Variants in GADD45GIP1 observed in about 807,000 individuals in gnomAD.
The protein encoded by GADD45GIP1 is large ribosomal subunit protein mL64.
In GADD45GIP1, 17 loss-of-function variants were observed where a neutral mutation model predicts 22.1. That is an observed-to-expected ratio of 0.77 (90% CI 0.53 to 1.15). GADD45GIP1 has a LOEUF of 1.15. Ranked by LOEUF, GADD45GIP1 falls within the 50% of genes most tolerant of loss-of-function variation. GADD45GIP1 has a pLI of 0.00. For missense variants in GADD45GIP1, 294 were observed against 314.0 expected, an observed-to-expected ratio of 0.94 and a Z score of 0.48; for synonymous variants, 135 against 138.4, an observed-to-expected ratio of 0.98 and a Z score of 0.17.
chr19:12,956,806 GCCCAGTT>G, intron 1 of GADD45GIP1, 50 bp downstream of exon 1: 1 of 1,515,072 alleles, frequency 6.6e-7, no homozygotes, highest in Non-Finnish European at 9.0e-7. Flanking sequence ...ACGGTTTGGG[GCCCAGTT>G]CGCCCACGGG....
Position 12,956,198 on chromosome 19 carries a change from G to A in GADD45GIP1, c.350+665C>T, listed in dbSNP as rs182778652. 1.2e-3 allele frequency among the ~76,000 whole-genome samples: 185 copies of A among 152,276 alleles called. 1 individual carries two copies. The highest frequency in any genetic ancestry group is 2.3e-3 in the Non-Finnish European group (155 of 68,022). On this transcript the variant is annotated intron_variant, in intron 1 of 1. Transcript: ENST00000316939. ...TCACTCTTTTACCTTCCTACTAGTC[G>A]GCTGTCACCATTGGTATTATCTTGC...
chr19:12,956,852 C>T lies in GADD45GIP1; in HGVS notation c.350+11G>A, dbSNP rs750392613. ...CAGAGGGCAGCCCCGCGTCTGCCTG[C>T]ACGCACGCACCTCTCCCGACGCTTC... On this transcript the variant is annotated intron_variant, in intron 1 of 1. Transcript: ENST00000316939. The T allele has an allele frequency of 2.5e-6, 4 of 1,594,512 alleles. No homozygotes were observed. Among genetic ancestry groups the T allele is most frequent in the African/African-American group, 2.7e-5 (2 of 74,200 alleles).
rs1971894798 is a variant in GADD45GIP1 at position 12,954,288 on chromosome 19, G to A, written c.589C>T (p.Arg197Trp). 1.4e-5 allele frequency: 22 copies of A among 1,614,094 alleles called. No homozygotes were observed. Among genetic ancestry groups the A allele is most frequent in the East Asian group, 2.2e-5 (1 of 44,886 alleles). The change falls in exon 2 of 2, where the codon CGG becomes TGG. Residue 197 changes from arginine (R) to tryptophan (W), a missense_variant. By Grantham distance (101) the Arg-to-Trp change is moderately radical. Transcript: ENST00000316939. The stretch of plus-strand genomic sequence containing the variant: ...GCAGCAGCTCGCGCCTCCTTCTTCC[G>A]TTTCTGTTTTTCCTCCTTGAGGCGC... ...RKRLKEEKQKRKKEARAAALA... is the reference protein window; with the variant it reads ...RKRLKEEKQKWKKEARAAALA...
chr19:12,956,841 G>C, intron 1 of GADD45GIP1, 22 bp downstream of exon 1: 1 of 1,590,244 alleles, frequency 6.3e-7, no homozygotes, highest in Non-Finnish European at 8.5e-7. Context: ...GGGCAGCCCC[G>C]CGTCTGCCTG....
chr19:12,957,173 C>G lies in GADD45GIP1; in HGVS notation c.40G>C (p.Val14Leu). 7.0e-7 allele frequency: 1 copy of G among 1,419,120 alleles called. No individual in the cohort carries two copies. The highest frequency in any genetic ancestry group is 9.1e-7 in the Non-Finnish European group (1 of 1,099,588). 87.9% of individuals were successfully genotyped at this position (1,419,120 alleles called of 1,614,324 possible). ...GAACCCGGGGCCAGGGTCGCCGCCACACCTAGTAGGCTGCGTGCCTGTCGC... is the reference window on the plus strand; with the variant it reads ...GAACCCGGGGCCAGGGTCGCCGCCAGACCTAGTAGGCTGCGTGCCTGTCGC... ...SVRQARSLLGVAATLAPGSRG... is the reference protein window; with the variant it reads ...SVRQARSLLGLAATLAPGSRG... Residue 14 changes from valine (V) to leucine (L), a missense_variant, in exon 1 of 2, where the codon GTG (valine) becomes CTG (leucine). Val to Leu is a conservative substitution (Grantham distance 32, BLOSUM62 1). Transcript: ENST00000316939.
At position 12,954,416 on chromosome 19, in the gene GADD45GIP1, G is replaced by A. The variant is rs765047480; in HGVS notation, c.461C>T (p.Ala154Val). Residue 154 changes from alanine to valine, a missense_variant, in exon 2 of 2, where the codon GCC (alanine) becomes GTC (valine). Ala to Val is a moderately conservative substitution (Grantham distance 64). Transcript: ENST00000316939. ...CTCCTGGGCCTCAGCCTGCAGTCGG[G>A]CCCTCCTCTCCTTGTCAGCCTGGGC... ...EKAQADKERR[A>V]RLQAEAQELL... is the part of the protein sequence containing the mutation. 3.1e-6 allele frequency: 5 copies of A among 1,614,180 alleles called. No individual in the cohort carries two copies. The highest frequency in any genetic ancestry group is 4.2e-6 in the Non-Finnish European group (5 of 1,180,010).
Position 12,953,124 on chromosome 19 carries a change from A to G in GADD45GIP1, c.*1084T>C. On this transcript the variant is annotated 3_prime_UTR_variant, in exon 2 of 2. Coordinates refer to ENST00000316939, the MANE Select transcript of GADD45GIP1 (RefSeq NM_052850.4). ...AAGTTTTATAAAAGAAAAAATATAT[A>G]TATATTCATGTTTATTTAAGAAATG... The G allele has an allele frequency of 1.1e-6, 1 of 949,354 alleles. No homozygotes were observed. Among genetic ancestry groups the G allele is most frequent in the South Asian group, 1.7e-5 (1 of 59,438 alleles). 58.8% of individuals were successfully genotyped at this position (949,354 alleles called of 1,614,324 possible).
Position 12,957,005 on chromosome 19 carries a change from C to A in GADD45GIP1, c.208G>T (p.Val70Leu), listed in dbSNP as rs1400700980. The change falls in exon 1 of 2, where the codon GTG (valine) becomes TTG (leucine). Residue 70 changes from valine to leucine, a missense_variant. Physicochemically the swap from Val to Leu is conservative, Grantham distance 32. Transcript: ENST00000316939. ...GACGGCCATAACGAACCGGGGACCA[C>A]CCCGGAGGCGGCGCCGTAACGCGCG... ...QFARYGAASG[V>L]VPGSLWPSPE... The A allele has an allele frequency of 6.3e-7, 1 of 1,598,350 alleles. No individual in the cohort carries two copies. The highest frequency in any genetic ancestry group is 1.3e-5 in the African/African-American group (1 of 74,882).
Position 12,954,459 on chromosome 19 carries a change from G to A in GADD45GIP1, c.418C>T (p.Arg140Trp), listed in dbSNP as rs746017634. ...GCCTGGGCCTTCTCCCAGTTCTCCC[G>A]CTGCTGCTGCTGCCAGTTCACAATC... is the stretch of plus-strand genomic sequence containing the variant. The part of the protein sequence containing the change: ...QMIVNWQQQQ[R>W]ENWEKAQADK... The change falls in exon 2 of 2, where the codon CGG (arginine) becomes TGG (tryptophan). Residue 140 changes from arginine to tryptophan, a missense_variant. Physicochemically the swap from Arg to Trp is moderately radical, Grantham distance 101. Transcript: ENST00000316939. 17 of 1,612,452 alleles carry A rather than the reference G, an allele frequency of 1.1e-5. No individual in the cohort carries two copies. In the South Asian group the frequency reaches 1.4e-4, roughly 14 times the overall value.
chr19:12,953,868 A>C lies in GADD45GIP1; in HGVS notation c.*340T>G. On this transcript the variant is annotated 3_prime_UTR_variant, in exon 2 of 2. Coordinates refer to ENST00000316939, the MANE Select transcript of GADD45GIP1 (RefSeq NM_052850.4). ...CTGCTTCTCCCCGGCCCCCACCATC[A>C]TCACCACAGTCTGTTTTGGCTATAC... is the stretch of plus-strand genomic sequence containing the variant. 2 of 222,998 alleles carry C rather than the reference A, an allele frequency of 9.0e-6. No individual in the cohort carries two copies. Among genetic ancestry groups the C allele is most frequent in the Non-Finnish European group, 1.8e-5 (2 of 112,426 alleles). The allele number at this position is 222,998 out of a possible 1,614,324, so 13.8% of individuals were successfully genotyped here.
At chr19:12,956,086 C>G (rs1971920946) in intron 1 of GADD45GIP1, among the ~76,000 whole-genome samples, 1 of 152,218 alleles carries the variant, frequency 6.6e-6, no homozygotes, top group African/African-American at 2.4e-5. Flanking sequence ...ATAGCTAAGT[C>G]TGGTTATTCA....
Position 12,953,235 on chromosome 19 carries a change from G to C in GADD45GIP1, c.*973C>G, listed in dbSNP as rs565144412. 2.2e-6 allele frequency: 1 copy of C among 447,168 alleles called. No homozygotes were observed. Among genetic ancestry groups the C allele is most frequent in the Non-Finnish European group, 3.8e-6 (1 of 260,174 alleles). The allele number at this position is 447,168 out of a possible 1,614,324, so 27.7% of individuals were successfully genotyped here. A position where few individuals can be genotyped will look rare whatever the true frequency, so the allele number is the denominator to read the frequency against. ...AGTGGCCCCTGTTCCCATCTCCCGG[G>C]CCAGACAGCTGTCCCCCCGTCCTCC... On this transcript the variant is annotated 3_prime_UTR_variant, in exon 2 of 2. Coordinates refer to ENST00000316939, the MANE Select transcript of GADD45GIP1 (RefSeq NM_052850.4).
At chr19:12,956,300 C>A (rs997204922) in intron 1 of GADD45GIP1, among the ~76,000 whole-genome samples, 11 of 152,220 alleles carry the variant, frequency 7.2e-5, no homozygotes, top group Non-Finnish European at 1.3e-4. Flanking sequence ...GGATTACAGG[C>A]ACGAGCCACC....
Position 12,953,232 on chromosome 19 carries a change from C to T in GADD45GIP1, c.*976G>A, listed in dbSNP as rs901226030. ...TAAAGTGGCCCCTGTTCCCATCTCCCGGGCCAGACAGCTGTCCCCCCGTCC... is the reference window on the plus strand; with the variant it reads ...TAAAGTGGCCCCTGTTCCCATCTCCTGGGCCAGACAGCTGTCCCCCCGTCC... On this transcript the variant is annotated 3_prime_UTR_variant, in exon 2 of 2. Transcript: ENST00000316939. The T allele has an allele frequency of 2.9e-5, 13 of 451,470 alleles. No individual in the cohort carries two copies. Among genetic ancestry groups the T allele is most frequent in the South Asian group, 1.4e-4 (3 of 21,970 alleles). 28.0% of individuals were successfully genotyped at this position (451,470 alleles called of 1,614,324 possible). A position where few individuals can be genotyped will look rare whatever the true frequency, so the allele number is the denominator to read the frequency against.
chr19:12,956,725 T>C (rs1442819070), intron 1 of GADD45GIP1, 138 bp downstream of exon 1: 1 of 687,860 alleles, frequency 1.5e-6, no homozygotes. Context: ...TGAGTTTGTT[T>C]TGCGGCCAGG....
chr19:12,953,132 ATGTT>A lies in GADD45GIP1; in HGVS notation c.*1072_*1075del. Reference sequence around the variant, plus strand: ...TAAAAGAAAAAATATATATATATTCATGTTTATTTAAGAAATGGAAAAAAAAATC... The same window carrying A: ...TAAAAGAAAAAATATATATATATTCATATTTAAGAAATGGAAAAAAAAATC... On this transcript the variant is annotated 3_prime_UTR_variant, in exon 2 of 2. Transcript: ENST00000316939. The A allele has an allele frequency of 1.2e-6, 1 of 862,488 alleles. No individual in the cohort carries two copies. The highest frequency in any genetic ancestry group is 1.7e-6 in the Non-Finnish European group (1 of 579,982). The allele number at this position is 862,488 out of a possible 1,614,324, so 53.4% of individuals were successfully genotyped here. A position where few individuals can be genotyped will look rare whatever the true frequency, so the allele number is the denominator to read the frequency against.
At chr19:12,956,759 C>T (rs1971928919) in intron 1 of GADD45GIP1, 104 bp downstream of exon 1, 1 of 933,340 alleles carries the variant, frequency 1.1e-6, no homozygotes, top group African/African-American at 1.7e-5. Flanking sequence ...AAATCTACAA[C>T]ATGCAGATGC....
intron 1 of GADD45GIP1, 135 bp downstream of exon 1, chr19:12,956,728 C>T: frequency 4.3e-6 from 3 of 695,222 alleles, no homozygotes; most frequent in Non-Finnish European, 7.2e-6. Context: ...GTTTGTTTTG[C>T]GGCCAGGTGA....
chr19:12,956,863 C>G lies in GADD45GIP1; in HGVS notation c.350G>C (p.Arg117Thr), dbSNP rs780120256. 2 of 1,597,274 alleles carry G rather than the reference C, an allele frequency of 1.3e-6. No individual in the cohort carries two copies. ...CCCGCGTCTGCCTGCACGCACGCAC[C>G]TCTCCCGACGCTTCTGCTCTTCGGC... The part of the protein sequence containing the change: ...QLAEEQKRRE[R>T]EQHIAECMAK... The change falls in exon 1 of 2, where the codon AGG (arginine) becomes ACG (threonine). Residue 117 changes from arginine (R) to threonine (T), a missense_variant and splice_region_variant. Coordinates refer to ENST00000316939, the MANE Select transcript of GADD45GIP1 (RefSeq NM_052850.4).
Sources: allele counts gnomAD v4.1 joint callset (sites outside exome capture counted in the v4.1 genomes callset), GRCh38; gene constraint gnomAD v4.1.1; transcripts MANE v1.5; gene names NCBI Gene and HGNC (gene_info 2026-07-23, HGNC 2026-07-21).